The following C19orf47 variants were observed in gnomAD, a reference collection of about 807,000 sequenced individuals.
C19orf47 encodes chromosome 19 open reading frame 47.
Under a neutral mutation model 32.3 loss-of-function variants are expected in C19orf47, and 18 were observed. The ratio of observed to expected loss-of-function variants is 0.56; its 90% confidence interval spans 0.39 to 0.83. The LOEUF is 0.83. Among genes scored for constraint, C19orf47 ranks in the 40% least tolerant of loss-of-function variants. C19orf47 has a pLI of 0.00. For missense variants in C19orf47, 484 were observed against 531.6 expected (o/e 0.91, Z 0.88); for synonymous variants, 202 against 211.1 (o/e 0.96, Z 0.37).
intron 5 of C19orf47, among the ~76,000 whole-genome samples, chr19:40,329,451 AG>A (rs1255131307): frequency 6.6e-5 from 10 of 152,118 alleles, no homozygotes; most frequent in African/African-American, 2.2e-4. Context: ...GGCTGCAGTG[AG>A]CTGTGATCGC....
Position 40,324,045 on chromosome 19 carries a change from G to T in C19orf47, c.624C>A (p.Leu208=). Residue 208 remains leucine, a synonymous_variant, in exon 8 of 9, where the codon CTC becomes CTA. Coordinates refer to ENST00000683109, the MANE Select transcript of C19orf47 (RefSeq NM_001256441.2). ...TGGTGTCTGCCTTGGTCTCGGCGCCGAGGCGGTCAAACACAGACGTCCTAT... is the reference window on the plus strand; with the variant it reads ...TGGTGTCTGCCTTGGTCTCGGCGCCTAGGCGGTCAAACACAGACGTCCTAT... ...GLHRTSVFDR[L]GAETKADTTT... The T allele has an allele frequency of 1.2e-6, 2 of 1,614,210 alleles. No individual in the cohort carries two copies. The highest frequency in any genetic ancestry group is 1.7e-6 in the Non-Finnish European group (2 of 1,180,030).
At chr19:40,338,346 TATAC>T (rs2078111037) in intron 2 of C19orf47, among the ~76,000 whole-genome samples, 1 of 145,148 alleles carries the variant, frequency 6.9e-6, no homozygotes, top group Non-Finnish European at 1.5e-5. Context: ...CAAATATATA[TATAC>T]ACACACACAC....
At chr19:40,347,234 T>C (rs1262198796) in intron 1 of C19orf47, among the ~76,000 whole-genome samples, 2 of 152,060 alleles carry the variant, frequency 1.3e-5, no homozygotes, top group East Asian at 1.9e-4. Flanking sequence ...AGTTTTCCAT[T>C]GAAGACAGCA....
At chr19:40,310,663 C>T in the C19orf47 span, among the ~76,000 whole-genome samples, 1 of 152,004 alleles carries the variant, frequency 6.6e-6, no homozygotes, top group Non-Finnish European at 1.5e-5. Flanking sequence ...TCTTTATGTA[C>T]TAATATAAAA....
At chr19:40,333,822 G>A (rs1171111399) in intron 5 of C19orf47, 29 bp downstream of exon 5, 1 of 1,509,756 alleles carries the variant, frequency 6.6e-7, no homozygotes, top group Non-Finnish European at 8.9e-7. Flanking sequence ...AAAAATCAAG[G>A]AAAAGAGGCC....
Position 40,341,858 on chromosome 19 carries a change from C to G in C19orf47, c.-1G>C. 6.5e-7 allele frequency: 1 copy of G among 1,536,168 alleles called. No individual in the cohort carries two copies. The highest frequency in any genetic ancestry group is 2.4e-5 in the East Asian group (1 of 40,918). ...ACTCACCCATAGTCACGGAGACCAT[C>G]GTCTCCCTGGCCCTGACACTGCTCC... On this transcript the variant is annotated 5_prime_UTR_variant, in exon 2 of 9. Coordinates refer to ENST00000683109, the MANE Select transcript of C19orf47 (RefSeq NM_001256441.2).
chr19:40,303,718 C>T, the C19orf47 span, among the ~76,000 whole-genome samples: 9 of 147,120 alleles, frequency 6.1e-5, no homozygotes, highest in African/African-American at 2.3e-4. Context: ...GCAGGAGAAT[C>T]GCTTGAACCT....
the C19orf47 span, among the ~76,000 whole-genome samples, chr19:40,306,495 C>T: frequency 9.2e-5 from 14 of 151,622 alleles, no homozygotes; most frequent in Middle Eastern, 3.5e-3. Context: ...CTCCGCCTCC[C>T]GGGTTCAGGC....
chr19:40,340,483 C>A lies in C19orf47; in HGVS notation c.19+1356G>T, dbSNP rs188403671. Among the ~76,000 whole-genome samples the A allele has an allele frequency of 7.2e-4, 106 of 147,586 alleles. 2 individuals are homozygous for A. The East Asian group carries it at 0.019, about 26-fold the overall frequency. On this transcript the variant is annotated intron_variant, in intron 2 of 8. Transcript: ENST00000683109. ...GGATCACGAGGTCAAGAGATCGAGA[C>A]CATCCTGGCCAACATGGTGAAACCC...
Position 40,333,889 on chromosome 19 carries a change from G to C in C19orf47, c.263C>G (p.Pro88Arg). ...GCGAATTTCGCCTGCAAGGGGGCTA[G>C]GGCTGCAGGGTACTGACTCAGTGGC... is the stretch of plus-strand genomic sequence containing the variant. The part of the protein sequence containing the change: ...KAATESVPCS[P>R]SPLAGEIRRG... The change falls in exon 5 of 9, where the codon CCT (proline) becomes CGT (arginine). Residue 88 changes from proline (P) to arginine (R), a missense_variant. Coordinates refer to ENST00000683109, the MANE Select transcript of C19orf47 (RefSeq NM_001256441.2). 1 of 1,580,506 alleles carries C rather than the reference G, an allele frequency of 6.3e-7. No individual in the cohort carries two copies. The highest frequency in any genetic ancestry group is 8.6e-7 in the Non-Finnish European group (1 of 1,161,756).
At chr19:40,315,481 A>C (rs1324090873), downstream of C19orf47, among the ~76,000 whole-genome samples, 1 of 152,150 alleles carries the variant, frequency 6.6e-6, no homozygotes, top group Non-Finnish European at 1.5e-5. Context: ...CCTCGTCTCT[A>C]CAAGAAAAAA....
chr19:40,342,378 T>C (rs959329720), intron 1 of C19orf47: 12 of 156,640 alleles, frequency 7.7e-5, no homozygotes, highest in African/African-American at 2.9e-4. Context: ...CATAGTCCTT[T>C]ACAGATGGAA....
At chr19:40,327,017 T>A (rs1005601835) in intron 6 of C19orf47, among the ~76,000 whole-genome samples, 2 of 151,376 alleles carry the variant, frequency 1.3e-5, no homozygotes, top group Non-Finnish European at 3.0e-5. Context: ...CTTTTTTTTT[T>A]TTTTTTTTTT....
the C19orf47 span, among the ~76,000 whole-genome samples, chr19:40,314,164 A>C: frequency 6.6e-6 from 1 of 152,168 alleles, no homozygotes; most frequent in Non-Finnish European, 1.5e-5. Flanking sequence ...GCGGTGGTTC[A>C]CGCCTATAAT....
intron 4 of C19orf47, 78 bp from the exon 5 acceptor site, chr19:40,334,007 GATCAACACCTGA>G (rs1267761286): frequency 9.6e-7 from 1 of 1,045,388 alleles, no homozygotes; most frequent in Non-Finnish European, 1.4e-6. Context: ...ACACCACAAG[GATCAACACCTGA>G]CTGCTAGAGA....
chr19:40,325,173 G>C (rs1187245022), intron 7 of C19orf47, among the ~76,000 whole-genome samples: 1 of 151,674 alleles, frequency 6.6e-6, no homozygotes, highest in African/African-American at 2.4e-5. Flanking sequence ...GGGAGACTGA[G>C]GCAGGAGAAT....
chr19:40,343,968 G>C (rs1011810953), intron 1 of C19orf47, among the ~76,000 whole-genome samples: 1 of 151,580 alleles, frequency 6.6e-6, no homozygotes, highest in African/African-American at 2.4e-5. Context: ...GCTAATTTTT[G>C]TATTTTTAGT....
rs369475743 is a variant in C19orf47, at chr19:40,330,974, G to T, written c.302-2424C>A. Among the ~76,000 whole-genome samples the T allele has an allele frequency of 2.1e-4, 32 of 152,310 alleles. No individual in the cohort carries two copies. In the South Asian group the frequency reaches 3.3e-3, roughly 16 times the overall value. ...TGGTCATGTTTCCATTACTGGATTT[G>T]GGTGCTGGCTACATGGGTGTCCCAT... On this transcript the variant is annotated intron_variant, in intron 5 of 8. Coordinates refer to ENST00000683109, the MANE Select transcript of C19orf47 (RefSeq NM_001256441.2).
chr19:40,331,280 A>C (rs944461132), intron 5 of C19orf47, among the ~76,000 whole-genome samples: 1 of 152,222 alleles, frequency 6.6e-6, no homozygotes, highest in Admixed American at 6.5e-5. Context: ...ACTGTGAACA[A>C]GCCCAGGCTA....
Sources: allele counts gnomAD v4.1 joint callset (sites outside exome capture counted in the v4.1 genomes callset), GRCh38; gene constraint gnomAD v4.1.1; transcripts MANE v1.5; gene names NCBI Gene and HGNC (gene_info 2026-07-23, HGNC 2026-07-21).